Variants in JAKMIP3 observed in about 807,000 individuals in gnomAD.
The protein encoded by JAKMIP3 is Janus kinase and microtubule interacting protein 3.
In JAKMIP3, 58 loss-of-function variants were observed where a neutral mutation model predicts 118.5. The ratio of observed to expected loss-of-function variants is 0.49; its 90% CI spans 0.40 to 0.61. The LOEUF is 0.61. Among genes scored for constraint, JAKMIP3 ranks in the 20% least tolerant of loss-of-function variants. The pLI, the probability that JAKMIP3 is intolerant of heterozygous loss-of-function variation, is 0.00. For synonymous variants in JAKMIP3, 486 were observed against 451.2 expected (o/e 1.08, Z -0.98); for missense variants, 950 against 1,109.0 (o/e 0.86, Z 2.04).
At chr10:132,152,909 C>G (rs1355045913) in intron 16 of JAKMIP3, 49 bp from the exon 17 acceptor site, 5 of 1,467,976 alleles carry the variant, frequency 3.4e-6, no homozygotes, top group Non-Finnish European at 4.7e-6. Flanking sequence ...CACCCTCACC[C>G]CCAAAGGCAC....
At chr10:132,053,014 T>C (rs2038142497) in intron 1 of JAKMIP3, among the ~76,000 whole-genome samples, 2 of 152,254 alleles carry the variant, frequency 1.3e-5, no homozygotes, top group South Asian at 4.1e-4. Flanking sequence ...CTCATGTGCC[T>C]TGTTTCCTGG....
chr10:132,069,477 G>A (rs897544365), intron 1 of JAKMIP3, among the ~76,000 whole-genome samples: 1 of 152,138 alleles, frequency 6.6e-6, no homozygotes, highest in African/African-American at 2.4e-5. Flanking sequence ...ACCTTCTCAG[G>A]GGGCTCCTGG....
At chr10:132,100,200 G>A (rs1467886221) in intron 1 of JAKMIP3, among the ~76,000 whole-genome samples, 3 of 151,104 alleles carry the variant, frequency 2.0e-5, no homozygotes, top group Non-Finnish European at 4.4e-5. Context: ...CCCCCACACA[G>A]GTCCCTCAGA....
chr10:132,130,628 C>G (rs1301172378), intron 3 of JAKMIP3, among the ~76,000 whole-genome samples: 1 of 152,204 alleles, frequency 6.6e-6, no homozygotes, highest in Admixed American at 6.5e-5. Flanking sequence ...GGTACTCTGC[C>G]AACACCTTAG....
At chr10:132,131,003 G>A (rs367881725) in intron 3 of JAKMIP3, among the ~76,000 whole-genome samples, 8 of 151,974 alleles carry the variant, frequency 5.3e-5, no homozygotes, top group African/African-American at 1.7e-4. Context: ...CAGGCAAGTC[G>A]GGGGCGGGCA....
intron 19 of JAKMIP3, among the ~76,000 whole-genome samples, chr10:132,154,210 G>T (rs1564973181): frequency 6.6e-6 from 1 of 152,212 alleles, no homozygotes; most frequent in East Asian, 1.9e-4. Context: ...AGTTGAGGAG[G>T]CCTAAACCCA....
rs111210362 is a variant in JAKMIP3, at chr10:132,151,156, T to C, written c.2007+1115T>C. ...TCATCCTCCATTCATTCATCCATTC[T>C]CCAAAATCCATCAATCCATCCACCC... On this transcript the variant is annotated intron_variant, in intron 16 of 23. Coordinates refer to ENST00000684848, the MANE Select transcript of JAKMIP3 (RefSeq NM_001323087.2). Among the ~76,000 whole-genome samples the C allele has an allele frequency of 5.0e-3, 758 of 152,182 alleles. 7 individuals carry two copies. The highest frequency in any genetic ancestry group is 0.017 in the African/African-American group (707 of 41,516).
intron 1 of JAKMIP3, among the ~76,000 whole-genome samples, chr10:132,071,695 CTTG>C (rs927756430): frequency 3.9e-5 from 6 of 152,134 alleles, no homozygotes; most frequent in Admixed American, 2.0e-4. Flanking sequence ...ATGTATAGCT[CTTG>C]TTGTCCCTGT....
chr10:132,086,031 C>A (rs1224801696), intron 1 of JAKMIP3, among the ~76,000 whole-genome samples: 1 of 151,992 alleles, frequency 6.6e-6, no homozygotes, highest in Non-Finnish European at 1.5e-5. Flanking sequence ...CTTAGCACTG[C>A]CTTTGCTGTA....
chr10:132,180,555 A>ATGTGTGTGTGTGTG (rs2060741561), intron 23 of JAKMIP3, among the ~76,000 whole-genome samples: 1 of 8,752 alleles, frequency 1.1e-4, no homozygotes, highest in Non-Finnish European at 2.5e-4. Flanking sequence ...GCGTGCGTGC[A>ATGTGTGTGTGTGTG]TGCGTGTGTG....
At chr10:132,156,942 A>G (rs1455019103) in intron 19 of JAKMIP3, among the ~76,000 whole-genome samples, 1 of 152,164 alleles carries the variant, frequency 6.6e-6, no homozygotes. Context: ...AAAATCCAAG[A>G]AAAAAGTTCA....
chr10:132,180,546 C>CGTGCGTGTGTGTGT lies in JAKMIP3; in HGVS notation c.*1104-1804_*1104-1803insTGTGTGTGTGCGTG, dbSNP rs1194411123. Among the ~76,000 whole-genome samples the CGTGCGTGTGTGTGT allele has an allele frequency of 1.3e-4, 2 of 15,966 alleles. 1 individual carries two copies. The highest frequency in any genetic ancestry group is 2.2e-4 in the Non-Finnish European group (2 of 9,050). 10.5% of individuals were successfully genotyped at this position (15,966 alleles called of 152,430 possible). A position where few individuals can be genotyped will look rare whatever the true frequency, so the allele number is the denominator to read the frequency against. On this transcript the variant is annotated intron_variant, in intron 23 of 23. Coordinates refer to ENST00000684848, the MANE Select transcript of JAKMIP3 (RefSeq NM_001323087.2). The stretch of plus-strand genomic sequence containing the variant: ...AACTGTGTGTGTGTGTGTGTGTGTG[C>CGTGCGTGTGTGTGT]GTGCGTGCATGCGTGTGTGTGCGTG...
chr10:132,063,929 G>A (rs1191127524), upstream of JAKMIP3, among the ~76,000 whole-genome samples: 3 of 152,274 alleles, frequency 2.0e-5, no homozygotes, highest in South Asian at 2.1e-4. Flanking sequence ...ACAGGCACGC[G>A]TTTTTAAAAA....
At chr10:132,058,940 G>A (rs1267914184) in intron 1 of JAKMIP3, among the ~76,000 whole-genome samples, 4 of 152,206 alleles carry the variant, frequency 2.6e-5, no homozygotes, top group African/African-American at 7.2e-5. Context: ...CCTTCGCATC[G>A]CGTCGCGCCC....
chr10:132,172,951 TTCTC>T (rs1243040790), intron 23 of JAKMIP3, among the ~76,000 whole-genome samples: 2 of 125,664 alleles, frequency 1.6e-5, no homozygotes, highest in Non-Finnish European at 3.3e-5. Context: ...CTCTACTTCC[TTCTC>T]TCTCTCCTTC....
At position 132,137,154 on chromosome 10, in the gene JAKMIP3, C is replaced by T. The variant is rs2051956371; in HGVS notation, c.1248+4C>T. The T allele has an allele frequency of 6.2e-7, 1 of 1,613,860 alleles. No individual in the cohort carries two copies. Among genetic ancestry groups the T allele is most frequent in the Non-Finnish European group, 8.5e-7 (1 of 1,179,820 alleles). On this transcript the variant is annotated splice_donor_region_variant and intron_variant, in intron 7 of 23. Transcript: ENST00000684848. ...CCTCATAGATGAACTGTCTAAGGTACCCGGCGGGCTGTTTGCTGCGGCCCC... is the reference window on the plus strand; with the variant it reads ...CCTCATAGATGAACTGTCTAAGGTATCCGGCGGGCTGTTTGCTGCGGCCCC...
intron 23 of JAKMIP3, chr10:132,181,393 C>T (rs1485732587): frequency 1.3e-5 from 2 of 152,122 alleles, no homozygotes; most frequent in African/African-American, 2.4e-5. Context: ...GGTAGGTGTC[C>T]AGATCCCCGG....
chr10:132,138,070 G>T, intron 8 of JAKMIP3, 49 bp from the exon 9 acceptor site: 1 of 1,551,632 alleles, frequency 6.4e-7, no homozygotes, highest in Non-Finnish European at 8.8e-7. Flanking sequence ...GACTGAAACC[G>T]GTGGAGCTGC....
chr10:132,115,410 G>A (rs934502679), intron 2 of JAKMIP3, among the ~76,000 whole-genome samples: 5 of 152,214 alleles, frequency 3.3e-5, no homozygotes, highest in East Asian at 1.9e-4. Flanking sequence ...GGAGGCCTCC[G>A]CACAGCCGCT....
Sources: allele counts gnomAD v4.1 joint callset (sites outside exome capture counted in the v4.1 genomes callset), GRCh38; gene constraint gnomAD v4.1.1; transcripts MANE v1.5; gene names NCBI Gene and HGNC (gene_info 2026-07-23, HGNC 2026-07-21).